SNX7: variants seen among roughly 807,000 people sequenced by gnomAD.
SNX7 encodes sorting nexin 7.
In SNX7, 35 loss-of-function variants were observed where a neutral mutation model predicts 48.4. The observed-to-expected ratio is 0.72, with a 90% CI of 0.55 to 0.96. The LOEUF is 0.96. SNX7 is among the 40% of genes least tolerant of loss of function. SNX7 has a pLI of 0.00. For synonymous variants in SNX7, 190 were observed against 190.2 expected, an observed-to-expected ratio of 1.00 and a Z score of 0.01; for missense variants, 553 against 548.9, an observed-to-expected ratio of 1.01 and a Z score of -0.07.
At position 98,716,910 on chromosome 1, in the gene SNX7, A is replaced by C. The variant is rs185240984; in HGVS notation, c.1125+15007A>C. On this transcript the variant is annotated intron_variant, in intron 7 of 8. Coordinates refer to ENST00000306121, the MANE Select transcript of SNX7 (RefSeq NM_015976.5). ...GCAACTTGGAAATGCTTTGAAATACATAGGGAGATGAGAAAATTTTAAGGC... is the reference window on the plus strand; with the variant it reads ...GCAACTTGGAAATGCTTTGAAATACCTAGGGAGATGAGAAAATTTTAAGGC... 8.5e-5 allele frequency among the ~76,000 whole-genome samples: 13 copies of C among 152,054 alleles called. No homozygotes were observed. In the East Asian group the frequency reaches 2.5e-3, roughly 29 times the overall value.
At chr1:98,737,859 A>G (rs1194431251) in intron 7 of SNX7, among the ~76,000 whole-genome samples, 1 of 152,210 alleles carries the variant, frequency 6.6e-6, no homozygotes, top group Non-Finnish European at 1.5e-5. Flanking sequence ...AAGACACCAT[A>G]TCTTTTAATA....
At chr1:98,690,636 C>T (rs1651067350) in intron 2 of SNX7, among the ~76,000 whole-genome samples, 1 of 152,058 alleles carries the variant, frequency 6.6e-6, no homozygotes, top group Admixed American at 6.5e-5. Context: ...TTCTCAGTTA[C>T]ATTCAGGTTA....
intron 4 of SNX7, among the ~76,000 whole-genome samples, chr1:98,694,432 G>C (rs1570527931): frequency 6.6e-6 from 1 of 150,866 alleles, no homozygotes; most frequent in African/African-American, 2.4e-5. Flanking sequence ...TGGTGTCACT[G>C]TTTACCCACT....
intron 7 of SNX7, among the ~76,000 whole-genome samples, chr1:98,711,263 C>T (rs928597996): frequency 6.6e-6 from 1 of 152,126 alleles, no homozygotes; most frequent in African/African-American, 2.4e-5. Context: ...AGTGATCCGC[C>T]TGCCTTGACC....
chr1:98,749,446 A>T (rs67694167), intron 8 of SNX7, among the ~76,000 whole-genome samples: 23,548 of 152,092 alleles, frequency 0.15, 1,904 homozygotes, highest in South Asian at 0.19. Flanking sequence ...TTCTTGAGAG[A>T]TATGTAAAAG....
chr1:98,680,339 C>T (rs1266910813), intron 1 of SNX7, among the ~76,000 whole-genome samples: 2 of 152,198 alleles, frequency 1.3e-5, no homozygotes, highest in East Asian at 3.9e-4. Flanking sequence ...CCACCTTTTC[C>T]TCCTAGGCCT....
intron 1 of SNX7, among the ~76,000 whole-genome samples, chr1:98,674,531 A>G (rs897561195): frequency 6.6e-6 from 1 of 152,148 alleles, no homozygotes; most frequent in Non-Finnish European, 1.5e-5. Context: ...TATCCTAATG[A>G]CCTCATTTTA....
intron 7 of SNX7, among the ~76,000 whole-genome samples, chr1:98,711,099 C>T (rs541156556): frequency 1.2e-4 from 18 of 152,154 alleles, no homozygotes; most frequent in Non-Finnish European, 2.4e-4. Context: ...TCACTGCAAC[C>T]TCTGTCTCCC....
intron 1 of SNX7, among the ~76,000 whole-genome samples, chr1:98,671,581 T>C (rs566741145): frequency 1.3e-5 from 2 of 152,160 alleles, no homozygotes; most frequent in East Asian, 1.9e-4. Context: ...CCATTTTGGG[T>C]GAATGATTTT....
intron 4 of SNX7, among the ~76,000 whole-genome samples, chr1:98,695,303 A>T (rs1220737944): frequency 3.3e-5 from 5 of 152,170 alleles, no homozygotes; most frequent in Admixed American, 1.3e-4. Context: ...CCTGTTTTAC[A>T]TGAGTAGTGT....
intron 7 of SNX7, among the ~76,000 whole-genome samples, chr1:98,709,478 G>A (rs530890081): frequency 2.2e-4 from 33 of 152,224 alleles, no homozygotes; most frequent in African/African-American, 4.6e-4. Flanking sequence ...GGACTCCTAC[G>A]GAATTATTTT....
chr1:98,726,658 G>A (rs562035894), intron 7 of SNX7, among the ~76,000 whole-genome samples: 1 of 139,690 alleles, frequency 7.2e-6, no homozygotes, highest in East Asian at 1.9e-4. Flanking sequence ...TTTTTAAGGG[G>A]ATTTTTTTTG....
At chr1:98,750,559 T>G (rs900971554) in intron 8 of SNX7, among the ~76,000 whole-genome samples, 2 of 152,130 alleles carry the variant, frequency 1.3e-5, no homozygotes, top group Admixed American at 6.6e-5. Flanking sequence ...AAAAATAGTT[T>G]ATAAGATTTT....
intron 7 of SNX7, among the ~76,000 whole-genome samples, chr1:98,728,085 T>G (rs761561974): frequency 2.0e-5 from 3 of 152,094 alleles, no homozygotes; most frequent in Non-Finnish European, 4.4e-5. Context: ...CACATAATCT[T>G]CAGATTCTCC....
rs1570539138 is a variant in SNX7, at chr1:98,701,254, C to T, written c.1039-563C>T. Among the ~76,000 whole-genome samples the T allele has an allele frequency of 2.0e-5, 3 of 152,242 alleles. No homozygotes were observed. In the East Asian group the frequency reaches 5.8e-4, roughly 29 times the overall value. On this transcript the variant is annotated intron_variant, in intron 6 of 8. Coordinates refer to ENST00000306121, the MANE Select transcript of SNX7 (RefSeq NM_015976.5). ...CAAAGAGGAGGCTATGATCTCTCAT[C>T]CAAAGCTTGGCTAACTGATGAATAT...
intron 8 of SNX7, among the ~76,000 whole-genome samples, chr1:98,753,411 G>C (rs1462364572): frequency 1.3e-5 from 2 of 152,018 alleles, no homozygotes; most frequent in Admixed American, 1.3e-4. Flanking sequence ...GAATATCTTA[G>C]ATCTTTATTA....
chr1:98,720,415 G>A (rs12140314), intron 7 of SNX7, among the ~76,000 whole-genome samples: 84,041 of 151,700 alleles, frequency 0.55, 24,278 homozygotes, highest in Non-Finnish European at 0.64. Context: ...TTTTCAAAAT[G>A]AAGTGATTGA....
At chr1:98,756,489 A>G (rs1654864738) in intron 8 of SNX7, among the ~76,000 whole-genome samples, 1 of 128,808 alleles carries the variant, frequency 7.8e-6, no homozygotes, top group Admixed American at 9.8e-5. Context: ...AATTTTGCAG[A>G]TAATGAATTA....
intron 7 of SNX7, among the ~76,000 whole-genome samples, chr1:98,730,578 C>T (rs529706664): frequency 1.3e-5 from 2 of 151,932 alleles, no homozygotes; most frequent in Admixed American, 6.6e-5. Context: ...AATAAATGTG[C>T]GGAAATCACA....
Sources: allele counts gnomAD v4.1 joint callset (sites outside exome capture counted in the v4.1 genomes callset), GRCh38; gene constraint gnomAD v4.1.1; transcripts MANE v1.5; gene names NCBI Gene and HGNC (gene_info 2026-07-23, HGNC 2026-07-21).